The following KCNU1 variants were observed in gnomAD, a reference collection of about 807,000 sequenced individuals.
The protein encoded by KCNU1 is potassium calcium-activated channel subfamily U member 1.
KCNU1 carries 93 observed loss-of-function variants against 126.8 expected under a neutral mutation model. That is an observed-to-expected ratio of 0.73 (90% CI 0.62 to 0.87). The LOEUF (loss-of-function observed/expected upper bound fraction) is 0.87. KCNU1 is among the 40% of genes least tolerant of loss of function. The probability of loss-of-function intolerance (pLI) is 0.00; values close to 1 mark genes in which losing one functional copy is unlikely to be tolerated. For synonymous variants in KCNU1, 523 were observed against 494.2 expected, an observed-to-expected ratio of 1.06 and a Z score of -0.77; for missense variants, 1,330 against 1,367.1, an observed-to-expected ratio of 0.97 and a Z score of 0.43.
chr8:36,870,441 C>G (rs1481092546), intron 19 of KCNU1, among the ~76,000 whole-genome samples: 1 of 152,144 alleles, frequency 6.6e-6, no homozygotes, highest in African/African-American at 2.4e-5. Flanking sequence ...CCTTTTTACT[C>G]TCAGTTCTGT....
intron 10 of KCNU1, among the ~76,000 whole-genome samples, chr8:36,832,428 G>A (rs1033756937): frequency 2.0e-5 from 3 of 152,032 alleles, no homozygotes; most frequent in African/African-American, 7.2e-5. Context: ...TAACAGTTTA[G>A]GCTTTTTATT....
chr8:36,791,431 T>C (rs1182036715), intron 2 of KCNU1, among the ~76,000 whole-genome samples: 2 of 152,234 alleles, frequency 1.3e-5, no homozygotes, highest in Non-Finnish European at 2.9e-5. Context: ...TAAGCACTAC[T>C]GTATGTTCAC....
intron 19 of KCNU1, among the ~76,000 whole-genome samples, chr8:36,872,028 GA>G (rs1260951682): frequency 2.0e-5 from 3 of 150,902 alleles, no homozygotes; most frequent in Admixed American, 6.6e-5. Flanking sequence ...TAGTTTCCAA[GA>G]AAAAAAAATG....
chr8:36,793,264 T>G (rs1282364283), intron 2 of KCNU1, among the ~76,000 whole-genome samples: 1 of 151,420 alleles, frequency 6.6e-6, no homozygotes, highest in East Asian at 1.9e-4. Context: ...AATGATGAGT[T>G]AATGGGTACC....
At chr8:36,895,627 A>T (rs1807159489) in intron 19 of KCNU1, among the ~76,000 whole-genome samples, 1 of 152,118 alleles carries the variant, frequency 6.6e-6, no homozygotes. Context: ...TTCTTTATAT[A>T]CTTCCCATGC....
intron 18 of KCNU1, among the ~76,000 whole-genome samples, chr8:36,853,782 C>G (rs1359369168): frequency 6.6e-6 from 1 of 151,816 alleles, no homozygotes; most frequent in African/African-American, 2.4e-5. Context: ...TTTATAGGGT[C>G]GGTTAAGTAT....
At chr8:36,875,106 A>C (rs1252212539) in intron 19 of KCNU1, among the ~76,000 whole-genome samples, 1 of 152,150 alleles carries the variant, frequency 6.6e-6, no homozygotes, top group Non-Finnish European at 1.5e-5. Flanking sequence ...GGCCATGTAT[A>C]AATGTGAAAG....
rs759100554 is a variant in KCNU1 at position 36,935,863 on chromosome 8, G to A, written c.3393G>A (p.Arg1131=). 4 of 1,611,442 alleles carry A rather than the reference G, an allele frequency of 2.5e-6. No homozygotes were observed. In the South Asian group the frequency reaches 4.4e-5, roughly 18 times the overall value. The stretch of plus-strand genomic sequence containing the variant: ...GTGACAATGCAAAAGAAAATGAAAG[G>A]AAAACTTCAGATGAGGTTTATGATG... ...PLGDNAKENE[R]KTSDEVYDED... Residue 1131 remains arginine, a synonymous_variant, in exon 27 of 27, where the codon AGG becomes AGA. Coordinates refer to ENST00000399881, the MANE Select transcript of KCNU1 (RefSeq NM_001031836.3).
At chr8:36,880,939 G>C (rs968764193) in intron 19 of KCNU1, among the ~76,000 whole-genome samples, 1 of 152,120 alleles carries the variant, frequency 6.6e-6, no homozygotes, top group Non-Finnish European at 1.5e-5. Flanking sequence ...GCTTGGGGAT[G>C]GGACATGAAG....
At chr8:36,893,407 A>G (rs2117454946) in intron 19 of KCNU1, among the ~76,000 whole-genome samples, 1 of 152,072 alleles carries the variant, frequency 6.6e-6, no homozygotes, top group East Asian at 1.9e-4. Context: ...TTTTTTTAAA[A>G]TGCCTCCGGA....
At chr8:36,815,886 A>C (rs1011072050) in intron 9 of KCNU1, among the ~76,000 whole-genome samples, 199 bp downstream of exon 9, 1 of 152,238 alleles carries the variant, frequency 6.6e-6, no homozygotes, top group Non-Finnish European at 1.5e-5. Context: ...AAACCACTAC[A>C]TAGATGCTCA....
chr8:36,895,400 T>G (rs1807150147), intron 19 of KCNU1, among the ~76,000 whole-genome samples: 1 of 152,044 alleles, frequency 6.6e-6, no homozygotes, highest in Admixed American at 6.6e-5. Flanking sequence ...TTTAAAAACC[T>G]GGATCAAGAT....
At position 36,817,678 on chromosome 8, in the gene KCNU1, G is replaced by A. The variant is rs1349274725; in HGVS notation, c.1024G>A (p.Val342Met). The A allele has an allele frequency of 2.5e-6, 4 of 1,611,762 alleles. No individual in the cohort carries two copies. Among genetic ancestry groups the A allele is most frequent in the Non-Finnish European group, 2.5e-6 (3 of 1,178,082 alleles). ...TATTGTGGTCTGTGGAAACATCACT[G>A]TGGACAGTGTGACCGCTTTCCTGAG... ...KFIVVCGNIT[V>M]DSVTAFLRNF... The change falls in exon 10 of 27, where the codon GTG becomes ATG. Residue 342 changes from valine to methionine, a missense_variant. By Grantham distance (21) the Val-to-Met change is conservative (BLOSUM62 1). Around this residue, in one of 3 missense-constraint regions of KCNU1, gnomAD observed 1,054 missense variants for 1,053.9 expected, o/e 1.00. Coordinates refer to ENST00000399881, the MANE Select transcript of KCNU1 (RefSeq NM_001031836.3).
At chr8:36,885,371 A>C (rs1806656487) in intron 19 of KCNU1, among the ~76,000 whole-genome samples, 1 of 152,050 alleles carries the variant, frequency 6.6e-6, no homozygotes, top group Non-Finnish European at 1.5e-5. Context: ...CCCGACCAAC[A>C]TGATGAAACC....
chr8:36,847,306 A>G lies in KCNU1; in HGVS notation c.1891+1407A>G, dbSNP rs542692584. Reference sequence around the variant, plus strand: ...TATAGATATACAATGTATAATGATCAAATCGGGGTAATTAGCATATCCATC... The same window carrying G: ...TATAGATATACAATGTATAATGATCGAATCGGGGTAATTAGCATATCCATC... On this transcript the variant is annotated intron_variant, in intron 18 of 26. Coordinates refer to ENST00000399881, the MANE Select transcript of KCNU1 (RefSeq NM_001031836.3). Among the ~76,000 whole-genome samples, 4 of 152,308 alleles carry G rather than the reference A, an allele frequency of 2.6e-5. No homozygotes were observed. The East Asian group carries it at 7.7e-4, about 29-fold the overall frequency.
Position 36,909,485 on chromosome 8 carries a change from C to G in KCNU1, c.2281C>G (p.Gln761Glu). 1 of 1,613,194 alleles carries G rather than the reference C, an allele frequency of 6.2e-7. No homozygotes were observed. Among genetic ancestry groups the G allele is most frequent in the Non-Finnish European group, 8.5e-7 (1 of 1,179,222 alleles). ...IVFIGSLDYL[Q>E]REWRFLWNFP... ...GTTCATTGGGTCTCTGGACTATCTA[C>G]AGAGAGAATGGCGATTTCTCTGGAA... Residue 761 changes from glutamine to glutamate, a missense_variant, in exon 21 of 27, where the codon CAG (glutamine) becomes GAG (glutamate). Coordinates refer to ENST00000399881, the MANE Select transcript of KCNU1 (RefSeq NM_001031836.3).
At chr8:36,820,331 C>A (rs1448628682) in intron 10 of KCNU1, among the ~76,000 whole-genome samples, 2 of 151,982 alleles carry the variant, frequency 1.3e-5, no homozygotes, top group African/African-American at 4.8e-5. Flanking sequence ...ATACCAAGAG[C>A]CAAAATGTGG....
Position 36,932,914 on chromosome 8 carries a change from C to T in KCNU1, c.2932-6C>T, listed in dbSNP as rs184224420. On this transcript the variant is annotated splice_polypyrimidine_tract_variant and splice_region_variant and intron_variant, in intron 25 of 26. Transcript: ENST00000399881. ...GCAGACATATTTTTGTCTCTTCTCT[C>T]CCCAGCCAAGAAACACCTTTGGACA... 2.0e-4 allele frequency: 300 copies of T among 1,528,992 alleles called. No homozygotes were observed. The East Asian group carries it at 6.8e-3, about 35-fold the overall frequency. 94.7% of individuals were successfully genotyped at this position (1,528,992 alleles called of 1,614,324 possible). A position where few individuals can be genotyped will look rare whatever the true frequency, so the allele number is the denominator to read the frequency against.
intron 19 of KCNU1, among the ~76,000 whole-genome samples, chr8:36,869,947 A>G (rs562965981): frequency 2.0e-5 from 3 of 152,286 alleles, no homozygotes; most frequent in East Asian, 1.9e-4. Context: ...ACCACCATCT[A>G]TAGACCACCA....
Sources: allele counts gnomAD v4.1 joint callset (sites outside exome capture counted in the v4.1 genomes callset), GRCh38; gene constraint gnomAD v4.1.1; regional missense constraint gnomAD v4.1.1; transcripts MANE v1.5; gene names NCBI Gene and HGNC (gene_info 2026-07-23, HGNC 2026-07-21).